BIRC5: variants seen among roughly 807,000 people sequenced by gnomAD.
The protein encoded by BIRC5 is baculoviral IAP repeat containing 5.
In BIRC5, 8 loss-of-function variants were observed where a neutral mutation model predicts 15.8. The observed-to-expected ratio is 0.51, with a 90% CI of 0.30 to 0.91. BIRC5 has a LOEUF of 0.91. Among genes scored for constraint, BIRC5 ranks in the 40% least tolerant of loss-of-function variants. BIRC5 has a pLI of 0.07. For missense variants in BIRC5, 163 were observed against 178.6 expected (o/e 0.91, Z 0.50); for synonymous variants, 56 against 64.5 (o/e 0.87, Z 0.63).
rs1399988344 is a variant in BIRC5 at position 78,214,708 on chromosome 17, C to G, written c.140C>G (p.Pro47Arg). The part of the protein sequence containing the change: ...RMAEAGFIHC[P>R]TENEPDLAQC... ...GCCGAGGCTGGCTTCATCCACTGCC[C>G]CACTGAGAACGAGCCAGACTTGGCC... The change falls in exon 2 of 4, where the codon CCC becomes CGC. Residue 47 changes from proline to arginine, a missense_variant. Transcript: ENST00000350051. The G allele has an allele frequency of 1.2e-6, 2 of 1,610,272 alleles. No homozygotes were observed. The highest frequency in any genetic ancestry group is 4.5e-5 in the East Asian group (2 of 44,674).
At chr17:78,217,380 T>C (rs2076486480) in intron 3 of BIRC5, among the ~76,000 whole-genome samples, 1 of 151,934 alleles carries the variant, frequency 6.6e-6, no homozygotes, top group Non-Finnish European at 1.5e-5. Context: ...TTCACCATGT[T>C]GGCCAGGCTG....
intron 3 of BIRC5, among the ~76,000 whole-genome samples, chr17:78,217,815 C>T (rs1056311590): frequency 1.3e-5 from 2 of 151,586 alleles, no homozygotes; most frequent in African/African-American, 4.8e-5. Flanking sequence ...TTTTTTGAGA[C>T]AGGGACTCAC....
chr17:78,222,924 G>T, intron 3 of BIRC5: 1 of 1,533,768 alleles, frequency 6.5e-7, no homozygotes, highest in Non-Finnish European at 8.7e-7. Context: ...CCTGATGTTT[G>T]CCAGGGTCTG....
At position 78,223,897 on chromosome 17, in the gene BIRC5, C is replaced by T. The variant is rs141087478; in HGVS notation, c.*343C>T. On this transcript the variant is annotated 3_prime_UTR_variant, in exon 4 of 4. Coordinates refer to ENST00000350051, the MANE Select transcript of BIRC5 (RefSeq NM_001168.3). ...TTGCTAGAGCTGACAGCTTTGTTCGCGTGGGCAGAGCCTTCCACAGTGAAT... is the reference window on the plus strand; with the variant it reads ...TTGCTAGAGCTGACAGCTTTGTTCGTGTGGGCAGAGCCTTCCACAGTGAAT... 1.1e-3 allele frequency: 459 copies of T among 401,096 alleles called. 1 individual carries two copies. Among genetic ancestry groups the T allele is most frequent in the African/African-American group, 7.9e-3 (383 of 48,722 alleles). 24.8% of individuals were successfully genotyped at this position (401,096 alleles called of 1,614,324 possible).
At chr17:78,218,565 C>T (rs866714542) in intron 3 of BIRC5, among the ~76,000 whole-genome samples, 1 of 150,536 alleles carries the variant, frequency 6.6e-6, no homozygotes, top group African/African-American at 2.4e-5. Flanking sequence ...GCTGGGATTA[C>T]AGGCATGAGC....
chr17:78,223,750 G>A lies in BIRC5; in HGVS notation c.*196G>A. 8.2e-7 allele frequency: 1 copy of A among 1,216,066 alleles called. No individual in the cohort carries two copies. Among genetic ancestry groups the A allele is most frequent in the Non-Finnish European group, 1.1e-6 (1 of 922,614 alleles). 75.3% of individuals were successfully genotyped at this position (1,216,066 alleles called of 1,614,324 possible). A position where few individuals can be genotyped will look rare whatever the true frequency, so the allele number is the denominator to read the frequency against. Reference sequence around the variant, plus strand: ...CAGAGGTGCTTCTGCCTGTGCAGCGGGTGCTGCTGGTAACAGTGGCTGCTT... The same window carrying A: ...CAGAGGTGCTTCTGCCTGTGCAGCGAGTGCTGCTGGTAACAGTGGCTGCTT... On this transcript the variant is annotated 3_prime_UTR_variant, in exon 4 of 4. Transcript: ENST00000350051.
intron 2 of BIRC5, chr17:78,215,911 G>T: frequency 1.9e-6 from 2 of 1,065,746 alleles, no homozygotes; most frequent in Non-Finnish European, 2.3e-6. Flanking sequence ...TGAGCTAGGG[G>T]GTCCCTTGGG....
intron 3 of BIRC5, among the ~76,000 whole-genome samples, chr17:78,222,221 C>T (rs1258319586): frequency 6.7e-6 from 1 of 148,790 alleles, no homozygotes; most frequent in East Asian, 2.0e-4. Flanking sequence ...AAAAACCAAA[C>T]GGTGCACTGT....
At chr17:78,222,883 G>A (rs1016004524) in intron 3 of BIRC5, 16 of 1,535,910 alleles carry the variant, frequency 1.0e-5, no homozygotes, top group East Asian at 2.4e-5. Flanking sequence ...GGGAGGGACT[G>A]GAAGCAAAAG....
intron 3 of BIRC5, among the ~76,000 whole-genome samples, chr17:78,220,806 G>C (rs561638805): frequency 2.0e-5 from 3 of 152,026 alleles, no homozygotes; most frequent in South Asian, 2.1e-4. Flanking sequence ...CCTCAGCCTC[G>C]ACCCCCTGGG....
chr17:78,214,285 C>G lies in BIRC5; in HGVS notation c.-32C>G, dbSNP rs762112729. 2.2e-5 allele frequency: 35 copies of G among 1,576,554 alleles called. No individual in the cohort carries two copies. Among genetic ancestry groups the G allele is most frequent in the Non-Finnish European group, 2.9e-5 (34 of 1,157,604 alleles). On this transcript the variant is annotated 5_prime_UTR_variant, in exon 1 of 4. Coordinates refer to ENST00000350051, the MANE Select transcript of BIRC5 (RefSeq NM_001168.3). ...GCCATTAACCGCCAGATTTGAATCG[C>G]GGGACCCGTTGGCAGAGGTGGCGGC... is the stretch of plus-strand genomic sequence containing the variant.
chr17:78,220,870 G>A (rs1303074362), intron 3 of BIRC5, among the ~76,000 whole-genome samples: 1 of 152,092 alleles, frequency 6.6e-6, no homozygotes, highest in Non-Finnish European at 1.5e-5. Flanking sequence ...ACAGGTGCGT[G>A]TGTTGCGCTA....
intron 3 of BIRC5, among the ~76,000 whole-genome samples, 170 bp downstream of exon 3, chr17:78,216,951 C>T (rs2076482786): frequency 6.6e-6 from 1 of 151,396 alleles, no homozygotes; most frequent in Non-Finnish European, 1.5e-5. Flanking sequence ...GCAATCTTGG[C>T]TCACTGCAAC....
chr17:78,222,842 A>G, intron 3 of BIRC5: 2 of 1,536,112 alleles, frequency 1.3e-6, no homozygotes, highest in South Asian at 1.2e-5. Flanking sequence ...GAGCTCTGTT[A>G]GCAGAATGAA....
Position 78,225,079 on chromosome 17 carries a change from A to G in BIRC5, c.*1525A>G, listed in dbSNP as rs974432097. The G allele has an allele frequency of 2.6e-5, 4 of 152,210 alleles. No individual in the cohort carries two copies. The highest frequency in any genetic ancestry group is 6.5e-5 in the Admixed American group (1 of 15,268). The allele number at this position is 152,210 out of a possible 1,614,324, so 9.4% of individuals were successfully genotyped here. ...GTGTCAGTCTGTAAATGGATACTTC[A>G]CTTTAATAACTGTTGCTTAGTAATT... On this transcript the variant is annotated 3_prime_UTR_variant, in exon 4 of 4. Transcript: ENST00000350051.
chr17:78,214,853 T>C (rs765643581), intron 2 of BIRC5, 64 bp downstream of exon 2: 1 of 1,453,774 alleles, frequency 6.9e-7, no homozygotes, highest in Non-Finnish European at 9.4e-7. Flanking sequence ...AAGATTTGAG[T>C]TGCAAAGACA....
intron 3 of BIRC5, among the ~76,000 whole-genome samples, chr17:78,222,511 A>T (rs1175198773): frequency 6.6e-6 from 1 of 152,028 alleles, no homozygotes; most frequent in African/African-American, 2.4e-5. Flanking sequence ...TACTAAAAAT[A>T]CAAAATTAGC....
chr17:78,222,810 T>C, intron 3 of BIRC5: 1 of 1,535,790 alleles, frequency 6.5e-7, no homozygotes, highest in Non-Finnish European at 8.7e-7. Flanking sequence ...GCTAATGTGA[T>C]TGTCATTTGC....
At chr17:78,214,505 G>T (rs569729981) in intron 1 of BIRC5, 78 bp downstream of exon 1, 4 of 1,377,960 alleles carry the variant, frequency 2.9e-6, no homozygotes, top group African/African-American at 1.5e-5. Flanking sequence ...ACTGGGCCTC[G>T]GGGGTACAAG....
Sources: allele counts gnomAD v4.1 joint callset (sites outside exome capture counted in the v4.1 genomes callset), GRCh38; gene constraint gnomAD v4.1.1; transcripts MANE v1.5; gene names NCBI Gene and HGNC (gene_info 2026-07-23, HGNC 2026-07-21).